The following SLAIN2 variants were observed in gnomAD, a reference collection of about 807,000 sequenced individuals.
SLAIN2 encodes SLAIN family member 2.
Under a neutral mutation model 56.6 loss-of-function variants are expected in SLAIN2, and 31 were observed. The ratio of observed to expected loss-of-function variants is 0.55; its 90% CI spans 0.41 to 0.74. SLAIN2 has a LOEUF of 0.74. Among genes scored for constraint, SLAIN2 ranks in the 30% least tolerant of loss-of-function variants. The probability of loss-of-function intolerance (pLI) is 0.00; values close to 1 mark genes in which losing one functional copy is unlikely to be tolerated. For missense variants in SLAIN2, 777 were observed against 754.2 expected (o/e 1.03, Z -0.35); for synonymous variants, 317 against 284.9 (o/e 1.11, Z -1.13).
intron 1 of SLAIN2, among the ~76,000 whole-genome samples, chr4:48,363,349 C>T (rs1715386481): frequency 1.2e-4 from 9 of 72,708 alleles, no homozygotes; most frequent in East Asian, 3.9e-4. Flanking sequence ...CGGGCAGAGG[C>T]GCCCCTCACC....
At chr4:48,375,532 A>G (rs559401237) in intron 2 of SLAIN2, among the ~76,000 whole-genome samples, 34 of 151,810 alleles carry the variant, frequency 2.2e-4, no homozygotes, top group African/African-American at 8.2e-4. Context: ...TGTACTACCT[A>G]GTTCAGTCTA....
intron 6 of SLAIN2, among the ~76,000 whole-genome samples, chr4:48,418,507 G>A (rs867516193): frequency 6.6e-6 from 1 of 152,094 alleles, no homozygotes; most frequent in Middle Eastern, 3.4e-3. Context: ...ATCCTCCTTA[G>A]TCATGGCATA....
rs372531724 is a variant in SLAIN2 at position 48,377,986 on chromosome 4, G to C, written c.629G>C (p.Ser210Thr). 1 of 1,613,826 alleles carries C rather than the reference G, an allele frequency of 6.2e-7. No homozygotes were observed. The highest frequency in any genetic ancestry group is 1.3e-5 in the African/African-American group (1 of 74,910). The change falls in exon 3 of 8, where the codon AGT becomes ACT. Residue 210 changes from serine to threonine, a missense_variant. Transcript: ENST00000264313. ...YSPNASSPYS[S>T]GFNSPSSTPV... ...CCAAATGCCAGTAGCCCATACAGCA[G>C]TGGCTTCAATTCTCCATCCTCAACC... is the stretch of plus-strand genomic sequence containing the variant.
chr4:48,386,865 A>G (rs116653963), intron 6 of SLAIN2, among the ~76,000 whole-genome samples: 3,172 of 152,274 alleles, frequency 0.021, 116 homozygotes, highest in African/African-American at 0.072. Flanking sequence ...AACCACCCAC[A>G]ATGTTAATGT....
intron 1 of SLAIN2, among the ~76,000 whole-genome samples, chr4:48,358,996 C>T (rs1370739546): frequency 6.6e-6 from 1 of 152,220 alleles, no homozygotes; most frequent in Non-Finnish European, 1.5e-5. Context: ...GCTGGGATTA[C>T]AGGCATGAGC....
chr4:48,396,357 A>G (rs1716387398), intron 6 of SLAIN2, among the ~76,000 whole-genome samples: 1 of 152,124 alleles, frequency 6.6e-6, no homozygotes, highest in Non-Finnish European at 1.5e-5. Context: ...ATATTTTCTG[A>G]TTAGTATTGT....
chr4:48,418,016 G>C (rs1717042422), intron 6 of SLAIN2, among the ~76,000 whole-genome samples: 1 of 151,818 alleles, frequency 6.6e-6, no homozygotes, highest in Non-Finnish European at 1.5e-5. Flanking sequence ...GATTCATTGG[G>C]ATTTTCTGTG....
chr4:48,364,388 C>CAGACTGGG (rs1715449143), intron 1 of SLAIN2, among the ~76,000 whole-genome samples: 1 of 70,568 alleles, frequency 1.4e-5, no homozygotes, highest in African/African-American at 4.9e-5. Context: ...CCTCACTTTC[C>CAGACTGGG]AGACTGGGCA....
intron 6 of SLAIN2, among the ~76,000 whole-genome samples, chr4:48,400,077 G>C (rs1475442170): frequency 6.6e-6 from 1 of 152,144 alleles, no homozygotes; most frequent in Non-Finnish European, 1.5e-5. Context: ...AGTAGAAATT[G>C]TACCAGCCAT....
At position 48,420,264 on chromosome 4, in the gene SLAIN2, A is replaced by G. The variant is rs1354761745; in HGVS notation, c.1500A>G (p.Ser500=). 6.2e-7 allele frequency: 1 copy of G among 1,613,564 alleles called. No homozygotes were observed. The highest frequency in any genetic ancestry group is 1.7e-5 in the Admixed American group (1 of 59,948). ...CACAGCTCACACAAACCACCTCCTC[A>G]CCTGGGCCTCCTATGGTTCAGAGCA... ...EITQLTQTTS[S]PGPPMVQSTV... The change falls in exon 7 of 8, where the codon TCA becomes TCG. Residue 500 remains serine (S), a synonymous_variant. Transcript: ENST00000264313.
intron 2 of SLAIN2, 59 bp downstream of exon 2, chr4:48,370,056 A>G (rs759908842): frequency 4.3e-5 from 67 of 1,546,792 alleles, no homozygotes; most frequent in Middle Eastern, 1.7e-4. Context: ...CAAAAACCAT[A>G]AATATTGAGC....
At chr4:48,405,324 A>G (rs1474941404) in intron 6 of SLAIN2, among the ~76,000 whole-genome samples, 4 of 152,110 alleles carry the variant, frequency 2.6e-5, no homozygotes, top group Admixed American at 2.6e-4. Flanking sequence ...CCTTTTTTGT[A>G]TAGTTTTATC....
In SLAIN2 at chr4:48,369,953, G is replaced by A; in HGVS notation, c.494G>A (p.Cys165Tyr). 6.2e-7 allele frequency: 1 copy of A among 1,613,622 alleles called. No homozygotes were observed. The highest frequency in any genetic ancestry group is 1.1e-5 in the South Asian group (1 of 91,040). Residue 165 changes from cysteine (C) to tyrosine (Y), a missense_variant, in exon 2 of 8, where the codon TGT becomes TAT. By Grantham distance (194) the Cys-to-Tyr change is radical. Transcript: ENST00000264313. ...VLDYPSPDVE[C>Y]AKKSLIHKLD... ...GATTACCCAAGTCCTGATGTTGAGT[G>A]TGCTAAAAAATCTCTTATCCACAAA...
At chr4:48,374,095 T>C (rs1468252565) in intron 2 of SLAIN2, among the ~76,000 whole-genome samples, 2 of 152,006 alleles carry the variant, frequency 1.3e-5, no homozygotes, top group Non-Finnish European at 2.9e-5. Context: ...GTGCAAAGGC[T>C]CCATGTGGGA....
At chr4:48,403,139 C>A (rs1320902655) in intron 6 of SLAIN2, among the ~76,000 whole-genome samples, 1 of 152,224 alleles carries the variant, frequency 6.6e-6, no homozygotes, top group Non-Finnish European at 1.5e-5. Context: ...CCGAACTCTC[C>A]TTTATGAGGT....
In SLAIN2 at chr4:48,422,536, TCTGA is replaced by T. The variant is rs1282262013; in HGVS notation, c.*462_*465del. 4.6e-5 allele frequency: 7 copies of T among 153,530 alleles called. No individual in the cohort carries two copies. Among genetic ancestry groups the T allele is most frequent in the African/African-American group, 1.4e-4 (6 of 41,590 alleles). The allele number at this position is 153,530 out of a possible 1,614,324, so 9.5% of individuals were successfully genotyped here. A position where few individuals can be genotyped will look rare whatever the true frequency, so the allele number is the denominator to read the frequency against. On this transcript the variant is annotated 3_prime_UTR_variant, in exon 8 of 8. Coordinates refer to ENST00000264313, the MANE Select transcript of SLAIN2 (RefSeq NM_020846.2). Reference sequence around the variant, plus strand: ...TATTTGTGTTAATGAGAACTAATATTCTGACTAATTATCTAAAGTGTTTCACTAG... The same window carrying T: ...TATTTGTGTTAATGAGAACTAATATTCTAATTATCTAAAGTGTTTCACTAG...
intron 6 of SLAIN2, among the ~76,000 whole-genome samples, chr4:48,403,793 C>G (rs1716619840): frequency 6.6e-6 from 1 of 152,168 alleles, no homozygotes; most frequent in Admixed American, 6.5e-5. Flanking sequence ...ATTCCTGGAA[C>G]TGGAGTATGC....
At chr4:48,345,543 A>G (rs552883137) in intron 1 of SLAIN2, among the ~76,000 whole-genome samples, 11 of 152,164 alleles carry the variant, frequency 7.2e-5, no homozygotes, top group South Asian at 2.1e-4. Flanking sequence ...TTTAACTTCT[A>G]TTATGCTTAA....
intron 6 of SLAIN2, among the ~76,000 whole-genome samples, chr4:48,410,568 G>A (rs1237628725): frequency 1.3e-5 from 2 of 152,076 alleles, no homozygotes; most frequent in Admixed American, 6.6e-5. Context: ...ACACGAATCC[G>A]CTGCGCTTTC....
Sources: gnomAD v4.1 joint callset for allele counts (sites outside exome capture counted in the v4.1 genomes callset) on GRCh38, gnomAD v4.1.1 for gene constraint, MANE v1.5 for transcripts, NCBI Gene and HGNC (gene_info 2026-07-23, HGNC 2026-07-21) for gene names.